ADCY3: variants seen among roughly 807,000 people sequenced by gnomAD.
ADCY3 encodes adenylate cyclase 3.
Under a neutral mutation model 119.4 loss-of-function variants are expected in ADCY3, and 70 were observed. The ratio of observed to expected loss-of-function variants is 0.59; its 90% confidence interval spans 0.48 to 0.72. The LOEUF (loss-of-function observed/expected upper bound fraction) is 0.72. Among genes scored for constraint, ADCY3 ranks in the 30% least tolerant of loss-of-function variants. ADCY3 has a pLI of 0.00. For missense variants in ADCY3, 1,238 were observed against 1,541.6 expected, an observed-to-expected ratio of 0.80 and a Z score of 3.30; for synonymous variants, 672 against 621.4, an observed-to-expected ratio of 1.08 and a Z score of -1.21.
intron 2 of ADCY3, among the ~76,000 whole-genome samples, chr2:24,902,620 G>A (rs1238216092): frequency 6.6e-6 from 1 of 151,762 alleles, no homozygotes; most frequent in African/African-American, 2.4e-5. Context: ...CTTTCACCTC[G>A]GCAACCCCTG....
In ADCY3 at chr2:24,826,075, C is replaced by T; in HGVS notation, c.2547G>A (p.Met849Ile). The stretch of plus-strand genomic sequence containing the variant: ...GGGAGAAGTAGTAGAAGCTGAGCAT[C>T]ATGAGGAACACCATCACCGTCATAG... ...KYSMTVMVFL[M>I]MLSFYYFSRH... The change falls in exon 16 of 22, where the codon ATG becomes ATA. Residue 849 changes from methionine to isoleucine, a missense_variant. Coordinates refer to ENST00000679454, the MANE Select transcript of ADCY3 (RefSeq NM_004036.5). 1 of 1,614,156 alleles carries T rather than the reference C, an allele frequency of 6.2e-7. No individual in the cohort carries two copies. The highest frequency in any genetic ancestry group is 8.5e-7 in the Non-Finnish European group (1 of 1,180,018).
At chr2:24,850,522 C>T (rs141041875) in intron 3 of ADCY3, among the ~76,000 whole-genome samples, 1 of 152,260 alleles carries the variant, frequency 6.6e-6, no homozygotes, top group East Asian at 1.9e-4. Context: ...CAGGGATGAT[C>T]AATGTGGCTT....
chr2:24,898,459 G>C lies in ADCY3; in HGVS notation c.675+19854C>G, dbSNP rs994771759. On this transcript the variant is annotated intron_variant, in intron 2 of 21. Coordinates refer to ENST00000679454, the MANE Select transcript of ADCY3 (RefSeq NM_004036.5). This position sits in a 1 kb window ranked among gnomAD's most constrained non-coding sequence, Gnocchi z 4.3. ...AGGGGCTTCGTGTACTTCACACAGT[G>C]CTTCATGAAGGGGTGAGTCAGGCGC... is the stretch of plus-strand genomic sequence containing the variant. Among the ~76,000 whole-genome samples, 10 of 152,160 alleles carry C rather than the reference G, an allele frequency of 6.6e-5. No individual in the cohort carries two copies. The highest frequency in any genetic ancestry group is 2.2e-4 in the African/African-American group (9 of 41,430).
intron 2 of ADCY3, among the ~76,000 whole-genome samples, chr2:24,901,034 C>A (rs1322881412): frequency 6.6e-6 from 1 of 152,158 alleles, no homozygotes; most frequent in East Asian, 1.9e-4. Flanking sequence ...CATTGCACTC[C>A]AGCCTGGGCG....
chr2:24,869,256 G>C (rs1028386630), intron 3 of ADCY3, among the ~76,000 whole-genome samples: 2 of 152,042 alleles, frequency 1.3e-5, no homozygotes, highest in Non-Finnish European at 2.9e-5. Context: ...AATTTGAATG[G>C]ACATGTTTCT....
At chr2:24,913,027 T>C (rs758780960) in intron 2 of ADCY3, among the ~76,000 whole-genome samples, 4 of 152,238 alleles carry the variant, frequency 2.6e-5, no homozygotes, top group Non-Finnish European at 5.9e-5. Flanking sequence ...CCCTGGACCC[T>C]CCACTGATGC....
chr2:24,823,853 A>C (rs1668188525), intron 17 of ADCY3, among the ~76,000 whole-genome samples: 1 of 152,056 alleles, frequency 6.6e-6, no homozygotes, highest in Non-Finnish European at 1.5e-5. Flanking sequence ...CACCGCGTCC[A>C]GTTAATTTTT....
chr2:24,856,569 T>C (rs1673026985), intron 3 of ADCY3, among the ~76,000 whole-genome samples: 1 of 152,188 alleles, frequency 6.6e-6, no homozygotes, highest in South Asian at 2.1e-4. Flanking sequence ...CCAGGCCTAG[T>C]AACCTTGGGA....
At chr2:24,915,756 G>C (rs1664371592) in intron 2 of ADCY3, among the ~76,000 whole-genome samples, 2 of 152,152 alleles carry the variant, frequency 1.3e-5, no homozygotes, top group Non-Finnish European at 2.9e-5. Flanking sequence ...GGCCAGGCTG[G>C]TCTTGAACTC....
Position 24,899,445 on chromosome 2 carries a change from C to T in ADCY3, c.675+18868G>A, listed in dbSNP as rs1678667198. Among the ~76,000 whole-genome samples, 1 of 152,384 alleles carries T rather than the reference C, an allele frequency of 6.6e-6. No homozygotes were observed. The highest frequency in any genetic ancestry group is 1.5e-5 in the Non-Finnish European group (1 of 68,044). ...CACCCCAGCCACCTCTGCCACCAGCCTGCCAGGCAAAACTGTCCCTGGATT... is the reference window on the plus strand; with the variant it reads ...CACCCCAGCCACCTCTGCCACCAGCTTGCCAGGCAAAACTGTCCCTGGATT... On this transcript the variant is annotated intron_variant, in intron 2 of 21. Transcript: ENST00000679454. The surrounding 1 kb of genome is among the most constrained non-coding windows in gnomAD (Gnocchi z 4.5).
At chr2:24,889,899 T>C (rs1573001614) in intron 2 of ADCY3, among the ~76,000 whole-genome samples, 1 of 152,244 alleles carries the variant, frequency 6.6e-6, no homozygotes, top group African/African-American at 2.4e-5. Flanking sequence ...CATGTGCTCA[T>C]AAAGCCAACC....
chr2:24,825,080 G>A (rs943222379), intron 16 of ADCY3, among the ~76,000 whole-genome samples: 5 of 152,208 alleles, frequency 3.3e-5, no homozygotes, highest in Admixed American at 2.6e-4. Flanking sequence ...TGTGTAGGGG[G>A]CCTCTTGGGA....
chr2:24,887,929 C>A (rs1677254612), intron 2 of ADCY3, among the ~76,000 whole-genome samples: 1 of 152,136 alleles, frequency 6.6e-6, no homozygotes, highest in Non-Finnish European at 1.5e-5. Flanking sequence ...ATTATAAATT[C>A]CCAAGGTTAC....
chr2:24,864,252 G>T (rs976377091), intron 3 of ADCY3, among the ~76,000 whole-genome samples: 1 of 152,140 alleles, frequency 6.6e-6, no homozygotes, highest in African/African-American at 2.4e-5. Flanking sequence ...TCGCACCACT[G>T]CATTCCAACC....
intron 2 of ADCY3, among the ~76,000 whole-genome samples, chr2:24,901,897 C>T (rs1678941089): frequency 6.7e-6 from 1 of 150,060 alleles, no homozygotes; most frequent in Non-Finnish European, 1.5e-5. Context: ...GACTGTATAG[C>T]TAAATGTTTT....
chr2:24,823,183 G>A (rs1334534998), intron 18 of ADCY3, 26 bp downstream of exon 18: 1 of 1,599,600 alleles, frequency 6.3e-7, no homozygotes, highest in South Asian at 1.1e-5. Flanking sequence ...TTCATGGCCA[G>A]AGTGCAGGGT....
intron 2 of ADCY3, among the ~76,000 whole-genome samples, chr2:24,892,037 C>G (rs1008376250): frequency 6.6e-6 from 1 of 152,216 alleles, no homozygotes; most frequent in Non-Finnish European, 1.5e-5. Flanking sequence ...CCTCAAAGCA[C>G]TGCTTTGTCT....
intron 3 of ADCY3, among the ~76,000 whole-genome samples, chr2:24,866,378 G>C (rs547649595): frequency 1.3e-5 from 2 of 151,972 alleles, no homozygotes; most frequent in Non-Finnish European, 2.9e-5. Flanking sequence ...TTTGAGACCA[G>C]TTTGGGCAAC....
intron 3 of ADCY3, among the ~76,000 whole-genome samples, chr2:24,852,203 C>T (rs1032339897): frequency 6.6e-6 from 1 of 152,158 alleles, no homozygotes. Context: ...GCGGCTGCCT[C>T]GGGGGGAACT....
Sources: gnomAD v4.1 joint callset for allele counts (sites outside exome capture counted in the v4.1 genomes callset) on GRCh38, gnomAD v4.1.1 for gene constraint, Gnocchi (gnomAD v3.1) non-coding constraint, MANE v1.5 for transcripts, NCBI Gene and HGNC (gene_info 2026-07-23, HGNC 2026-07-21) for gene names.